The following KCNAB1 variants were observed in gnomAD, a reference collection of about 807,000 sequenced individuals.
KCNAB1 encodes the protein potassium voltage-gated channel subfamily A regulatory beta subunit 1.
Under a neutral mutation model 64.6 loss-of-function variants are expected in KCNAB1, and 35 were observed. The ratio of observed to expected loss-of-function variants is 0.54; its 90% CI spans 0.41 to 0.72. The LOEUF (loss-of-function observed/expected upper bound fraction) is 0.72. Ranked by LOEUF, KCNAB1 falls within the 30% of genes least tolerant of loss-of-function variation. The pLI is 0.00. For missense variants in KCNAB1, 401 were observed against 512.9 expected (o/e 0.78, Z 2.11); for synonymous variants, 177 against 183.8 (o/e 0.96, Z 0.30).
chr3:156,122,401 A>G (rs1713403306), intron 1 of KCNAB1, among the ~76,000 whole-genome samples: 1 of 152,222 alleles, frequency 6.6e-6, no homozygotes, highest in Admixed American at 6.5e-5. Context: ...TAAAGAGTCT[A>G]ATACAAGACC....
intron 1 of KCNAB1, among the ~76,000 whole-genome samples, chr3:156,404,724 A>G (rs562461083): frequency 6.6e-6 from 1 of 152,374 alleles, no homozygotes; most frequent in African/African-American, 2.4e-5. Flanking sequence ...GGTGAAGTCC[A>G]GCCCTAAAGT....
rs191911196 is a variant in KCNAB1, at chr3:156,389,960, T to A, written c.276-31656T>A. On this transcript the variant is annotated intron_variant, in intron 1 of 13. Coordinates refer to ENST00000490337, the MANE Select transcript of KCNAB1 (RefSeq NM_172160.3). ...AAATAGTTGTGACAGAGACCATATG[T>A]CTTGCAAAGCTGAAAATATTTATGA... Among the ~76,000 whole-genome samples the A allele has an allele frequency of 3.9e-5, 6 of 152,348 alleles. No homozygotes were observed. The East Asian group carries it at 1.2e-3, about 29-fold the overall frequency.
chr3:156,279,401 A>T (rs1208701586), intron 1 of KCNAB1, among the ~76,000 whole-genome samples: 1 of 152,038 alleles, frequency 6.6e-6, no homozygotes, highest in African/African-American at 2.4e-5. Context: ...AGTCTTTGCT[A>T]TTGTGAATAA....
chr3:156,445,554 T>C (rs1717352768), intron 2 of KCNAB1, among the ~76,000 whole-genome samples: 1 of 152,172 alleles, frequency 6.6e-6, no homozygotes, highest in African/African-American at 2.4e-5. Flanking sequence ...TTGAAGATAG[T>C]GAGGAAAACA....
At chr3:156,338,899 G>A (rs1723912398) in intron 1 of KCNAB1, among the ~76,000 whole-genome samples, 1 of 152,168 alleles carries the variant, frequency 6.6e-6, no homozygotes, top group Non-Finnish European at 1.5e-5. Flanking sequence ...GGATTGGGGT[G>A]CTCCCAGTCA....
rs6807454 is a variant in KCNAB1, at chr3:156,177,602, C to T, written c.275+56716C>T. Among the ~76,000 whole-genome samples, 437 of 152,168 alleles carry T rather than the reference C, an allele frequency of 2.9e-3. 2 individuals are homozygous for T. The highest frequency in any genetic ancestry group is 0.01 in the African/African-American group (415 of 41,500). ...CCGTGTTAGCCAGGATGGTCTCGAT[C>T]TCCTGACCTCGTGATCCGCCCGCCT... On this transcript the variant is annotated intron_variant, in intron 1 of 13. Transcript: ENST00000490337.
intron 1 of KCNAB1, among the ~76,000 whole-genome samples, chr3:156,159,380 T>A (rs1170477711): frequency 2.0e-5 from 3 of 152,122 alleles, no homozygotes; most frequent in Non-Finnish European, 4.4e-5. Flanking sequence ...TAACTAAAAG[T>A]AAGAAGAGAA....
intron 1 of KCNAB1, among the ~76,000 whole-genome samples, chr3:156,239,231 G>C (rs1717028512): frequency 6.6e-6 from 1 of 152,182 alleles, no homozygotes; most frequent in African/African-American, 2.4e-5. Flanking sequence ...AATAAAATTT[G>C]TCTTTCTGCT....
chr3:156,440,606 T>C (rs1559885741), intron 2 of KCNAB1, among the ~76,000 whole-genome samples: 1 of 152,222 alleles, frequency 6.6e-6, no homozygotes, highest in Non-Finnish European at 1.5e-5. Context: ...AAATTGCATA[T>C]AATTACTGCA....
At chr3:156,531,303 G>C in intron 12 of KCNAB1, 106 bp from the exon 13 acceptor site, 1 of 834,960 alleles carries the variant, frequency 1.2e-6, no homozygotes, top group Non-Finnish European at 2.1e-6. Context: ...TCCACAAAAA[G>C]AAGTTAATAA....
intron 1 of KCNAB1, among the ~76,000 whole-genome samples, chr3:156,258,658 G>A (rs1560162354): frequency 6.6e-6 from 1 of 152,062 alleles, no homozygotes; most frequent in Non-Finnish European, 1.5e-5. Context: ...ATGATTACAG[G>A]GAAATTAAAA....
intron 1 of KCNAB1, chr3:156,227,728 C>G (rs1209636955): frequency 6.6e-6 from 1 of 152,262 alleles, no homozygotes; most frequent in Non-Finnish European, 1.5e-5. Flanking sequence ...TCAAGGCCCC[C>G]ACTAGCAGGC....
intron 1 of KCNAB1, among the ~76,000 whole-genome samples, chr3:156,221,219 T>G (rs1385740382): frequency 1.3e-5 from 2 of 152,230 alleles, no homozygotes; most frequent in East Asian, 3.8e-4. Context: ...TGGTTCCATA[T>G]GAACTTTAAA....
At chr3:156,137,702 C>A (rs991041647) in intron 1 of KCNAB1, among the ~76,000 whole-genome samples, 2 of 143,314 alleles carry the variant, frequency 1.4e-5, no homozygotes, top group East Asian at 4.1e-4. Flanking sequence ...CCCGCTACCA[C>A]GTCTGGCTAA....
chr3:156,469,248 CTTTT>C (rs34567814), intron 7 of KCNAB1, among the ~76,000 whole-genome samples: 67 of 72,976 alleles, frequency 9.2e-4, no homozygotes, highest in Non-Finnish European at 1.2e-3. Context: ...TTCTTTCTTT[CTTTT>C]TTTTTTTTTT....
intron 1 of KCNAB1, chr3:156,143,538 G>T (rs1714836808): frequency 3.4e-6 from 2 of 583,508 alleles, no homozygotes. Context: ...AAGGAAAAAT[G>T]CAGTGAGCCC....
chr3:156,171,024 G>T (rs1025972330), intron 1 of KCNAB1, among the ~76,000 whole-genome samples: 1 of 152,044 alleles, frequency 6.6e-6, no homozygotes, highest in Admixed American at 6.6e-5. Context: ...ATTGACCCAG[G>T]AATTACGTAC....
chr3:156,294,220 C>T (rs1050371107), intron 1 of KCNAB1, among the ~76,000 whole-genome samples: 1 of 152,228 alleles, frequency 6.6e-6, no homozygotes, highest in Non-Finnish European at 1.5e-5. Context: ...GGGCACCTTT[C>T]ATTACTGACA....
At chr3:156,503,937 T>C (rs1716636223) in intron 8 of KCNAB1, among the ~76,000 whole-genome samples, 1 of 152,196 alleles carries the variant, frequency 6.6e-6, no homozygotes, top group Admixed American at 6.5e-5. Flanking sequence ...TTCTAGCTAT[T>C]TGAAAATATA....
Sources: allele counts gnomAD v4.1 joint callset (sites outside exome capture counted in the v4.1 genomes callset), GRCh38; gene constraint gnomAD v4.1.1; transcripts MANE v1.5; gene names NCBI Gene and HGNC (gene_info 2026-07-23, HGNC 2026-07-21).